The following CLASRP variants were observed in gnomAD, a reference collection of about 807,000 sequenced individuals.
CLASRP encodes the protein CLK4-associating serine/arginine rich protein.
Under a neutral mutation model 99.9 loss-of-function variants are expected in CLASRP, and 52 were observed. The observed-to-expected ratio is 0.52, with a 90% CI of 0.42 to 0.66. CLASRP has a LOEUF of 0.66. Among genes scored for constraint, CLASRP ranks in the 30% least tolerant of loss-of-function variants. The pLI, the probability that CLASRP is intolerant of heterozygous loss-of-function variation, is 0.00. For synonymous variants in CLASRP, 379 were observed against 373.0 expected (o/e 1.02, Z -0.18); for missense variants, 848 against 999.2 (o/e 0.85, Z 2.04).
chr19:45,064,077 A>G lies in CLASRP; in HGVS notation c.971A>G (p.Glu324Gly), dbSNP rs1967007930. The stretch of plus-strand genomic sequence containing the variant: ...CGCTCCCCGACCCCGGGCCGCGAGG[A>G]GAAGATCACGTTCATCACCAGTTTT... ...RSRSPTPGRE[E>G]KITFITSFGG... is the part of the protein sequence containing the mutation. The change falls in exon 12 of 21, where the codon GAG (glutamate) becomes GGG (glycine). Residue 324 changes from glutamate to glycine, a missense_variant. Physicochemically the swap from Glu to Gly is moderately conservative, Grantham distance 98. This residue lies in a region of CLASRP where 489 missense variants were observed against 434.7 expected (regional missense o/e 1.12). Coordinates refer to ENST00000221455, the MANE Select transcript of CLASRP (RefSeq NM_007056.3). The G allele has an allele frequency of 1.2e-6, 2 of 1,607,080 alleles. No individual in the cohort carries two copies. Among genetic ancestry groups the G allele is most frequent in the Middle Eastern group, 1.7e-4 (1 of 6,042 alleles).
chr19:45,041,562 C>G (rs553970190), intron 2 of CLASRP, among the ~76,000 whole-genome samples: 165 of 152,312 alleles, frequency 1.1e-3, no homozygotes, highest in Non-Finnish European at 1.7e-3. Flanking sequence ...CCCAGTTATT[C>G]CTGTATTACT....
Position 45,068,481 on chromosome 19 carries a change from G to A in CLASRP, c.1768+1G>A, listed in dbSNP as rs991653680. 2 of 1,609,064 alleles carry A rather than the reference G, an allele frequency of 1.2e-6. No individual in the cohort carries two copies. Among genetic ancestry groups the A allele is most frequent in the Non-Finnish European group, 1.7e-6 (2 of 1,175,400 alleles). On this transcript the variant is annotated splice_donor_variant, in intron 16 of 20. Coordinates refer to ENST00000221455, the MANE Select transcript of CLASRP (RefSeq NM_007056.3). LOFTEE classifies it high-confidence loss of function. ...ATGCAGAAGGCGCTGAACAGGCAGTGTATGTTCTGCCCTGTCCCTCCAGGG... is the reference window on the plus strand; with the variant it reads ...ATGCAGAAGGCGCTGAACAGGCAGTATATGTTCTGCCCTGTCCCTCCAGGG...
At chr19:45,062,452 A>G (rs1669559519) in intron 11 of CLASRP, among the ~76,000 whole-genome samples, 3 of 152,146 alleles carry the variant, frequency 2.0e-5, no homozygotes, top group Non-Finnish European at 2.9e-5. Context: ...ATCTTGGCTC[A>G]CTACAAGCTC....
intron 2 of CLASRP, among the ~76,000 whole-genome samples, chr19:45,050,134 G>A (rs1223859642): frequency 5.4e-5 from 8 of 147,712 alleles, no homozygotes; most frequent in Admixed American, 5.0e-4. Flanking sequence ...TGTGCCTGGA[G>A]CAGAGTAGGG....
chr19:45,063,052 G>A, intron 11 of CLASRP, among the ~76,000 whole-genome samples: 1 of 152,262 alleles, frequency 6.6e-6, no homozygotes, highest in South Asian at 2.1e-4. Flanking sequence ...GAGATAAGGT[G>A]TTGAATGGCT....
intron 2 of CLASRP, among the ~76,000 whole-genome samples, chr19:45,044,642 G>T (rs543369954): frequency 6.6e-6 from 1 of 152,116 alleles, no homozygotes; most frequent in Non-Finnish European, 1.5e-5. Flanking sequence ...GGTGGCATGC[G>T]CCTGTGGTCC....
At chr19:45,057,193 T>G (rs2081529694) in intron 6 of CLASRP, among the ~76,000 whole-genome samples, 1 of 152,168 alleles carries the variant, frequency 6.6e-6, no homozygotes, top group African/African-American at 2.4e-5. Flanking sequence ...GTTGCCCTGG[T>G]GCACGGTAGC....
At chr19:45,043,625 G>C (rs940143374) in intron 2 of CLASRP, among the ~76,000 whole-genome samples, 1 of 152,108 alleles carries the variant, frequency 6.6e-6, no homozygotes, top group African/African-American at 2.4e-5. Context: ...GGCCATGTGA[G>C]AGATGCAGGA....
At chr19:45,063,519 C>T (rs980854089) in intron 11 of CLASRP, among the ~76,000 whole-genome samples, 4 of 135,672 alleles carry the variant, frequency 2.9e-5, no homozygotes, top group Non-Finnish European at 6.1e-5. Context: ...GACCTGGACT[C>T]ACTGCAACCT....
At position 45,067,701 on chromosome 19, in the gene CLASRP, G is replaced by C. The variant is rs1483168086; in HGVS notation, c.1667+107G>C. The C allele has an allele frequency of 3.6e-6, 4 of 1,108,618 alleles. No individual in the cohort carries two copies. Among genetic ancestry groups the C allele is most frequent in the Non-Finnish European group, 3.8e-6 (3 of 785,910 alleles). The allele number at this position is 1,108,618 out of a possible 1,614,324, so 68.7% of individuals were successfully genotyped here. Reference sequence around the variant, plus strand: ...ACTTAGCCCTACCCTGGGAGGTCTGGGGGGTGGTGTATGGCCCTGGCCTGG... The same window carrying C: ...ACTTAGCCCTACCCTGGGAGGTCTGCGGGGTGGTGTATGGCCCTGGCCTGG... On this transcript the variant is annotated intron_variant, in intron 14 of 20. Coordinates refer to ENST00000221455, the MANE Select transcript of CLASRP (RefSeq NM_007056.3). The surrounding 1 kb of genome is among the most constrained non-coding windows in gnomAD (Gnocchi z 4.9).
intron 2 of CLASRP, among the ~76,000 whole-genome samples, chr19:45,044,520 C>G (rs138408016): frequency 2.6e-5 from 4 of 151,982 alleles, no homozygotes; most frequent in African/African-American, 9.7e-5. Flanking sequence ...GACCCTTAAC[C>G]TCTCTAAGCT....
chr19:45,053,313 T>C, intron 5 of CLASRP, 136 bp downstream of exon 5: 2 of 758,624 alleles, frequency 2.6e-6, no homozygotes, highest in Non-Finnish European at 4.4e-6. Flanking sequence ...AGCTCTACGA[T>C]AGACTCACTT....
Position 45,052,839 on chromosome 19 carries a change from C to G in CLASRP, c.246C>G (p.Val82=). Residue 82 remains valine, a synonymous_variant, in exon 4 of 21, where the codon GTC becomes GTG. Coordinates refer to ENST00000221455, the MANE Select transcript of CLASRP (RefSeq NM_007056.3). ...ACAACATGATTGACCGATTCGATGT[C>G]CGTGCCCACCTGGACCACATCCCCG... The part of the protein sequence containing the change: ...DTNNMIDRFD[V]RAHLDHIPDY... 1 of 1,612,778 alleles carries G rather than the reference C, an allele frequency of 6.2e-7. No individual in the cohort carries two copies. The highest frequency in any genetic ancestry group is 8.5e-7 in the Non-Finnish European group (1 of 1,179,486).
At position 45,068,010 on chromosome 19, in the gene CLASRP, C is replaced by T. The variant is rs751324507; in HGVS notation, c.1668-5C>T. 12 of 1,612,000 alleles carry T rather than the reference C, an allele frequency of 7.4e-6. No homozygotes were observed. Among genetic ancestry groups the T allele is most frequent in the African/African-American group, 1.3e-5 (1 of 74,876 alleles). On this transcript the variant is annotated splice_region_variant and splice_polypyrimidine_tract_variant and intron_variant, in intron 14 of 20. Coordinates refer to ENST00000221455, the MANE Select transcript of CLASRP (RefSeq NM_007056.3). ...ACCATGTCCTCTGGCCCTGCCCCCA[C>T]CCAGGACCGAACCTGCCGCTGGTAA... is the stretch of plus-strand genomic sequence containing the variant.
chr19:45,042,270 G>A (rs1490436856), intron 2 of CLASRP, among the ~76,000 whole-genome samples: 1 of 152,122 alleles, frequency 6.6e-6, no homozygotes, highest in East Asian at 1.9e-4. Context: ...AGCAATGAAG[G>A]GACAGGGTCA....
chr19:45,056,667 C>T (rs1040919814), intron 6 of CLASRP, 133 bp downstream of exon 6: 20 of 731,920 alleles, frequency 2.7e-5, no homozygotes, highest in Admixed American at 2.5e-4. Flanking sequence ...ACAGTCAGTG[C>T]TCAATTAATA....
At chr19:45,070,171 A>G (rs940831571) in intron 19 of CLASRP, 67 bp downstream of exon 19, 5 of 1,067,266 alleles carry the variant, frequency 4.7e-6, no homozygotes, top group Non-Finnish European at 7.3e-6. Flanking sequence ...GGGTTACCAA[A>G]AAAACCATAG....
chr19:45,064,063 C>T lies in CLASRP; in HGVS notation c.957C>T (p.Thr319=), dbSNP rs1321230609. ...CCCGCTCCCGCTCCCGCTCCCCGAC[C>T]CCGGGCCGCGAGGAGAAGATCACGT... ...SESRSRSRSP[T]PGREEKITFI... The change falls in exon 12 of 21, where the codon ACC becomes ACT. Residue 319 remains threonine, a synonymous_variant. Transcript: ENST00000221455. 1 of 1,612,596 alleles carries T rather than the reference C, an allele frequency of 6.2e-7. No homozygotes were observed.
In CLASRP at chr19:45,053,144, T is replaced by A; in HGVS notation, c.346T>A (p.Tyr116Asn). ...CGAACGGAAGTGTAACTACGAGCGC[T>A]ACAGAGGCCTGGTGCAGAACGACTT... Reference protein sequence around the residue: ...SDERKCNYERYRGLVQNDFAG... With the variant: ...SDERKCNYERNRGLVQNDFAG... The change falls in exon 5 of 21, where the codon TAC (tyrosine) becomes AAC (asparagine). Residue 116 changes from tyrosine to asparagine, a missense_variant. By Grantham distance (143) the Tyr-to-Asn change is moderately radical (BLOSUM62 -2). Transcript: ENST00000221455. 6.2e-7 allele frequency: 1 copy of A among 1,613,976 alleles called. No individual in the cohort carries two copies. Among genetic ancestry groups the A allele is most frequent in the Non-Finnish European group, 8.5e-7 (1 of 1,179,998 alleles).
Sources: allele counts gnomAD v4.1 joint callset (sites outside exome capture counted in the v4.1 genomes callset), GRCh38; gene constraint gnomAD v4.1.1; regional missense constraint gnomAD v4.1.1; non-coding constraint Gnocchi (gnomAD v3.1); transcripts MANE v1.5; gene names NCBI Gene and HGNC (gene_info 2026-07-23, HGNC 2026-07-21).